The following CADM2 variants were observed in gnomAD, a reference collection of about 807,000 sequenced individuals.
The protein encoded by CADM2 is immunoglobulin superfamily member 4D.
In CADM2, 12 loss-of-function variants were observed where a neutral mutation model predicts 49.8. The observed-to-expected ratio is 0.24, with a 90% CI of 0.15 to 0.39. CADM2 has a LOEUF of 0.39. CADM2 is among the 10% of genes least tolerant of loss of function. CADM2 has a pLI of 1.00. For synonymous variants in CADM2, 214 were observed against 175.4 expected, an observed-to-expected ratio of 1.22 and a Z score of -1.74; for missense variants, 378 against 492.3, an observed-to-expected ratio of 0.77 and a Z score of 2.20.
At chr3:85,507,424 A>G (rs1576678609) in intron 1 of CADM2, among the ~76,000 whole-genome samples, 1 of 152,192 alleles carries the variant, frequency 6.6e-6, no homozygotes, top group South Asian at 2.1e-4. Flanking sequence ...CCTGATCCCA[A>G]GTGATCCGCC....
Position 86,066,648 on chromosome 3 carries a change from TC to T in CADM2, c.1097-16del. The T allele has an allele frequency of 6.5e-7, 1 of 1,536,644 alleles. No homozygotes were observed. The highest frequency in any genetic ancestry group is 9.0e-7 in the Non-Finnish European group (1 of 1,109,756). On this transcript the variant is annotated splice_polypyrimidine_tract_variant and intron_variant, in intron 9 of 9. Coordinates refer to ENST00000383699, the MANE Select transcript of CADM2 (RefSeq NM_001167675.2). ...CAGTCTCACAGAGCTAACATATTTT[TC>T]TTCCAATATATGCAGGAACGTATTT...
At chr3:85,791,435 G>T (rs1216314968) in intron 2 of CADM2, among the ~76,000 whole-genome samples, 2 of 150,994 alleles carry the variant, frequency 1.3e-5, no homozygotes, top group Non-Finnish European at 2.9e-5. Flanking sequence ...CAACAAGAAT[G>T]ATCTTGAACT....
chr3:85,597,543 T>C (rs2063278807), intron 1 of CADM2, among the ~76,000 whole-genome samples: 1 of 152,140 alleles, frequency 6.6e-6, no homozygotes, highest in South Asian at 2.1e-4. Context: ...AAACAAATTA[T>C]CAAAGCAATT....
intron 1 of CADM2, among the ~76,000 whole-genome samples, chr3:85,377,262 A>G (rs1329440275): frequency 6.6e-6 from 1 of 152,094 alleles, no homozygotes; most frequent in Non-Finnish European, 1.5e-5. Flanking sequence ...GTGAAGCTGT[A>G]AAGTTCTCAT....
At chr3:84,962,994 T>C (rs762579848) in intron 1 of CADM2, among the ~76,000 whole-genome samples, 23 of 152,288 alleles carry the variant, frequency 1.5e-4, no homozygotes, top group Non-Finnish European at 2.9e-4. Context: ...TTTAAAAGGC[T>C]TACTTAATTC....
chr3:85,547,245 A>G lies in CADM2; in HGVS notation c.62-179277A>G, dbSNP rs1486087478. ...AACAAATGGATAGTTCTTTGCAAATATTTGTTCAGTGCTAAGCACTTGGAA... is the reference window on the plus strand; with the variant it reads ...AACAAATGGATAGTTCTTTGCAAATGTTTGTTCAGTGCTAAGCACTTGGAA... On this transcript the variant is annotated intron_variant, in intron 1 of 9. Transcript: ENST00000383699. Among the ~76,000 whole-genome samples the G allele has an allele frequency of 2.0e-5, 3 of 152,218 alleles. No individual in the cohort carries two copies. In the East Asian group the frequency reaches 5.8e-4, roughly 29 times the overall value.
At chr3:85,917,894 A>C (rs941100000) in intron 6 of CADM2, among the ~76,000 whole-genome samples, 1 of 152,064 alleles carries the variant, frequency 6.6e-6, no homozygotes, top group Non-Finnish European at 1.5e-5. Context: ...ATCCCTTGTA[A>C]GTTGGATTCC....
At chr3:85,944,052 G>A (rs1403059470) in intron 7 of CADM2, among the ~76,000 whole-genome samples, 2 of 151,902 alleles carry the variant, frequency 1.3e-5, no homozygotes, top group African/African-American at 4.8e-5. Context: ...GACACACATA[G>A]GCTCAAAATA....
chr3:85,346,336 T>A (rs2030642213), intron 1 of CADM2, among the ~76,000 whole-genome samples: 4 of 152,168 alleles, frequency 2.6e-5, no homozygotes. Context: ...ACACTGTTAC[T>A]TTGACATTTT....
chr3:85,707,374 G>A (rs922016007), intron 1 of CADM2, among the ~76,000 whole-genome samples: 1 of 146,488 alleles, frequency 6.8e-6, no homozygotes, highest in African/African-American at 2.5e-5. Context: ...AGTTTTCTAG[G>A]AAGACTATAT....
intron 1 of CADM2, among the ~76,000 whole-genome samples, chr3:85,504,950 G>A (rs1031312516): frequency 2.0e-5 from 3 of 152,072 alleles, no homozygotes; most frequent in Non-Finnish European, 2.9e-5. Flanking sequence ...GGGGCCGGCA[G>A]GGCCGGCCGG....
At chr3:85,853,623 GA>G (rs1383482859) in intron 3 of CADM2, among the ~76,000 whole-genome samples, 1 of 150,538 alleles carries the variant, frequency 6.6e-6, no homozygotes, top group Non-Finnish European at 1.5e-5. Flanking sequence ...GCCACTTAGT[GA>G]AATATGAAAT....
intron 1 of CADM2, among the ~76,000 whole-genome samples, chr3:85,122,929 C>A (rs1291913743): frequency 1.3e-5 from 2 of 152,090 alleles, no homozygotes; most frequent in African/African-American, 2.4e-5. Flanking sequence ...AAACCTCAAA[C>A]TGAGCTAAGT....
At chr3:85,934,164 A>G (rs770011903) in intron 6 of CADM2, among the ~76,000 whole-genome samples, 2 of 152,094 alleles carry the variant, frequency 1.3e-5, no homozygotes, top group Non-Finnish European at 2.9e-5. Flanking sequence ...ACTCTTCTTT[A>G]TAATATGTCA....
intron 1 of CADM2, among the ~76,000 whole-genome samples, chr3:85,323,320 A>G (rs2044664285): frequency 1.3e-5 from 2 of 152,222 alleles, no homozygotes; most frequent in African/African-American, 4.8e-5. Context: ...TAATTCTGCA[A>G]TATATATGCA....
intron 1 of CADM2, among the ~76,000 whole-genome samples, chr3:85,148,212 G>A (rs1419588204): frequency 6.6e-6 from 1 of 152,112 alleles, no homozygotes; most frequent in Non-Finnish European, 1.5e-5. Flanking sequence ...GGGCAGCTGA[G>A]CCCTCTCCAA....
At chr3:85,751,428 A>G (rs891910884) in intron 2 of CADM2, among the ~76,000 whole-genome samples, 1 of 152,172 alleles carries the variant, frequency 6.6e-6, no homozygotes, top group African/African-American at 2.4e-5. Flanking sequence ...TTAAATAAGT[A>G]TGTTTTATAA....
intron 2 of CADM2, among the ~76,000 whole-genome samples, chr3:85,737,209 C>T (rs1374569617): frequency 6.6e-6 from 1 of 152,038 alleles, no homozygotes; most frequent in Non-Finnish European, 1.5e-5. Context: ...AATTTTATTA[C>T]TGGAATAATA....
At chr3:85,657,062 A>T (rs929240625) in intron 1 of CADM2, among the ~76,000 whole-genome samples, 5 of 152,138 alleles carry the variant, frequency 3.3e-5, no homozygotes, top group African/African-American at 1.2e-4. Context: ...TTGAAATTCT[A>T]CCACTTTCTC....
Sources: allele counts gnomAD v4.1 joint callset (sites outside exome capture counted in the v4.1 genomes callset), GRCh38; gene constraint gnomAD v4.1.1; transcripts MANE v1.5; gene names NCBI Gene and HGNC (gene_info 2026-07-23, HGNC 2026-07-21).